The following PACS2 variants were observed in gnomAD, a reference collection of about 807,000 sequenced individuals.
PACS2 encodes phosphofurin acidic cluster sorting protein 2.
Under a neutral mutation model 113.0 loss-of-function variants are expected in PACS2, and 36 were observed. The observed-to-expected ratio is 0.32, with a 90% CI of 0.24 to 0.42. The LOEUF is 0.42. Ranked by LOEUF, PACS2 falls within the 10% of genes least tolerant of loss-of-function variation. The probability of loss-of-function intolerance (pLI) is 1.00; values close to 1 mark genes in which losing one functional copy is unlikely to be tolerated. For missense variants in PACS2, 1,015 were observed against 1,239.5 expected (o/e 0.82, Z 2.72); for synonymous variants, 589 against 536.1 (o/e 1.10, Z -1.36).
chr14:105,369,630 G>A (rs1407660615), intron 7 of PACS2, among the ~76,000 whole-genome samples: 5 of 151,996 alleles, frequency 3.3e-5, no homozygotes, highest in Non-Finnish European at 7.4e-5. Context: ...ACGCCTCCCC[G>A]GGTCCCCCTT....
intron 1 of PACS2, among the ~76,000 whole-genome samples, chr14:105,306,854 C>A (rs1436757168): frequency 6.6e-6 from 1 of 152,114 alleles, no homozygotes; most frequent in East Asian, 1.9e-4. Context: ...GATCCATCTG[C>A]CTTGGCCTCC....
rs1555411581 is a variant in PACS2 at position 105,380,165 on chromosome 14, T to C, written c.1125+11T>C. On this transcript the variant is annotated intron_variant, in intron 11 of 24. Transcript: ENST00000447393. Reference sequence around the variant, plus strand: ...GACACGGTGGCCCTCGTAAGCAGGCTTGGGCCGCACCCACCCGTTCCACAC... The same window carrying C: ...GACACGGTGGCCCTCGTAAGCAGGCCTGGGCCGCACCCACCCGTTCCACAC... 1 of 1,549,378 alleles carries C rather than the reference T, an allele frequency of 6.5e-7. No homozygotes were observed. The highest frequency in any genetic ancestry group is 1.4e-5 in the African/African-American group (1 of 72,996).
At chr14:105,319,842 T>G (rs950450092) in intron 1 of PACS2, among the ~76,000 whole-genome samples, 2 of 152,252 alleles carry the variant, frequency 1.3e-5, no homozygotes, top group African/African-American at 2.4e-5. Flanking sequence ...AGTCTCATCC[T>G]ATTCATGACT....
Position 105,324,970 on chromosome 14 carries a change from GGC to G in PACS2, c.119+9934_119+9935del. 6.6e-6 allele frequency among the ~76,000 whole-genome samples: 1 copy of G among 152,196 alleles called. No homozygotes were observed. Among genetic ancestry groups the G allele is most frequent in the Non-Finnish European group, 1.5e-5 (1 of 67,982 alleles). ...GCCCTTCCTGCTGGGGGTGCACACG[GGC>G]CTGGGGCTGAGCAACCCGCTCTGGG... is the stretch of plus-strand genomic sequence containing the variant. On this transcript the variant is annotated intron_variant, in intron 1 of 24. Transcript: ENST00000447393. This position sits in a 1 kb window ranked among gnomAD's most constrained non-coding sequence, Gnocchi z 4.7.
At chr14:105,378,748 T>C (rs1176001446) in intron 9 of PACS2, among the ~76,000 whole-genome samples, 1 of 152,266 alleles carries the variant, frequency 6.6e-6, no homozygotes, top group Non-Finnish European at 1.5e-5. Flanking sequence ...TTAAGTCTTA[T>C]TGAATCTGTA....
chr14:105,347,966 C>G (rs115969606), intron 1 of PACS2, among the ~76,000 whole-genome samples: 2,402 of 152,298 alleles, frequency 0.016, 63 homozygotes, highest in African/African-American at 0.053. Context: ...GCGTCTCCAG[C>G]ACTCCTGTGG....
rs368257546 is a variant in PACS2, at chr14:105,386,187, C to T, written c.2033+470C>T. 1.7e-4 allele frequency among the ~76,000 whole-genome samples: 26 copies of T among 152,318 alleles called. No individual in the cohort carries two copies. The East Asian group carries it at 4.3e-3, about 25-fold the overall frequency. ...GCCAGGCTGTTTCCCAGGCCCTTCACGTTTGTGAAGCTGGCAGCAGCCTAG... is the reference window on the plus strand; with the variant it reads ...GCCAGGCTGTTTCCCAGGCCCTTCATGTTTGTGAAGCTGGCAGCAGCCTAG... On this transcript the variant is annotated intron_variant, in intron 19 of 24. Transcript: ENST00000447393.
chr14:105,316,874 GGGC>G (rs2140791517), intron 1 of PACS2, among the ~76,000 whole-genome samples: 3 of 124,566 alleles, frequency 2.4e-5, no homozygotes, highest in African/African-American at 1.9e-4. Flanking sequence ...TGGAGTTAAT[GGGC>G]GGAGGAGTTA....
rs782330451 is a variant in PACS2 at position 105,393,202 on chromosome 14, G to A, written c.2483-20G>A. ...CGAAGGAGCAGCAAGATGACAGCAG[G>A]GCCTCTTTTCTCCTCCCAGTGATGT... On this transcript the variant is annotated intron_variant, in intron 23 of 24. Coordinates refer to ENST00000447393, the MANE Select transcript of PACS2 (RefSeq NM_001100913.3). 6.3e-7 allele frequency: 1 copy of A among 1,575,794 alleles called. No homozygotes were observed. The highest frequency in any genetic ancestry group is 8.7e-7 in the Non-Finnish European group (1 of 1,146,306).
chr14:105,382,653 C>T, intron 14 of PACS2, 72 bp downstream of exon 14: 1 of 1,066,134 alleles, frequency 9.4e-7, no homozygotes, highest in Non-Finnish European at 1.4e-6. Flanking sequence ...GAAGCTGCCC[C>T]CTACCCGGCA....
In PACS2 at chr14:105,357,143, T is replaced by A. The variant is rs2060484609; in HGVS notation, c.423+1966T>A. ...TCCTCCCAGCCCCTCTCAGCACTGG[T>A]GCTTCTGTGTTTGACGTCCTTGCCC... On this transcript the variant is annotated intron_variant, in intron 4 of 24. Coordinates refer to ENST00000447393, the MANE Select transcript of PACS2 (RefSeq NM_001100913.3). The surrounding 1 kb of genome is among the most constrained non-coding windows in gnomAD (Gnocchi z 5.1). Among the ~76,000 whole-genome samples the A allele has an allele frequency of 6.6e-6, 1 of 152,092 alleles. No homozygotes were observed. The highest frequency in any genetic ancestry group is 6.5e-5 in the Admixed American group (1 of 15,274).
intron 4 of PACS2, among the ~76,000 whole-genome samples, chr14:105,361,948 TCAAA>T (rs199756742): frequency 0.017 from 2,522 of 150,626 alleles, 70 homozygotes; most frequent in African/African-American, 0.055. Context: ...AGACTTCATC[TCAAA>T]CAAACAAACA....
intron 1 of PACS2, among the ~76,000 whole-genome samples, chr14:105,321,506 G>C (rs2058884360): frequency 6.6e-6 from 1 of 151,994 alleles, no homozygotes; most frequent in South Asian, 2.1e-4. Flanking sequence ...GGGACTACAG[G>C]TGTGCACCAC....
intron 1 of PACS2, chr14:105,301,308 C>CG (rs1440593955): frequency 3.4e-5 from 4 of 116,146 alleles, no homozygotes; most frequent in Admixed American, 9.5e-5. Context: ...CAGCCGGATG[C>CG]GGGGCTGAGG....
chr14:105,391,984 G>A, intron 22 of PACS2: 1 of 565,204 alleles, frequency 1.8e-6, no homozygotes, highest in Admixed American at 3.5e-5. Context: ...AGAAACTCCT[G>A]CACAGTGAAT....
Position 105,394,906 on chromosome 14 carries a change from G to A in PACS2, c.*234G>A, listed in dbSNP as rs782261889. ...CCCGGGGCTGGGAAGCCAGAAGGAC[G>A]ATGCTGAGCCATGGATCGCGGAAGG... On this transcript the variant is annotated 3_prime_UTR_variant, in exon 25 of 25. Coordinates refer to ENST00000447393, the MANE Select transcript of PACS2 (RefSeq NM_001100913.3). 1.8e-4 allele frequency: 91 copies of A among 506,036 alleles called. No individual in the cohort carries two copies. The highest frequency in any genetic ancestry group is 3.0e-4 in the Non-Finnish European group (83 of 277,672). 31.3% of individuals were successfully genotyped at this position (506,036 alleles called of 1,614,324 possible). A position where few individuals can be genotyped will look rare whatever the true frequency, so the allele number is the denominator to read the frequency against.
rs782528386 is a variant in PACS2, at chr14:105,381,008, G to A, written c.1177G>A (p.Ala393Thr). 9 of 1,612,568 alleles carry A rather than the reference G, an allele frequency of 5.6e-6. No homozygotes were observed. In the Admixed American group the frequency reaches 6.7e-5, roughly 12 times the overall value. Residue 393 changes from alanine to threonine, a missense_variant, in exon 12 of 25, where the codon GCT (alanine) becomes ACT (threonine). By Grantham distance (58) the Ala-to-Thr change is moderately conservative (BLOSUM62 0). This residue lies in a region of PACS2 where 859 missense variants were observed against 1,056.8 expected (regional missense o/e 0.81). Transcript: ENST00000447393. ...TGGACAGCCTGAGGACAGCCCCGAGGCTGAGGCCTCCACCCTGGATGTGTT... is the reference window on the plus strand; with the variant it reads ...TGGACAGCCTGAGGACAGCCCCGAGACTGAGGCCTCCACCCTGGATGTGTT... ...HPGQPEDSPE[A>T]EASTLDVFTE...
At chr14:105,368,190 C>G in intron 6 of PACS2, 43 bp downstream of exon 6, 1 of 1,404,652 alleles carries the variant, frequency 7.1e-7, no homozygotes, top group South Asian at 1.2e-5. Context: ...TGGCTCACAC[C>G]GGGTGTCCTG....
intron 1 of PACS2, among the ~76,000 whole-genome samples, chr14:105,301,602 G>A (rs982557636): frequency 6.6e-6 from 1 of 152,222 alleles, no homozygotes; most frequent in Admixed American, 6.5e-5. Flanking sequence ...CATTTGCGGC[G>A]TCCGCCGCTC....
Sources: gnomAD v4.1 joint callset for allele counts (sites outside exome capture counted in the v4.1 genomes callset) on GRCh38, gnomAD v4.1.1 for gene constraint, gnomAD v4.1.1 regional missense constraint, Gnocchi (gnomAD v3.1) non-coding constraint, MANE v1.5 for transcripts, NCBI Gene and HGNC (gene_info 2026-07-23, HGNC 2026-07-21) for gene names.